The following CD53 variants were observed in gnomAD, a reference collection of about 807,000 sequenced individuals.
The protein encoded by CD53 is CD53 molecule.
A neutral mutation model predicts 27.3 loss-of-function variants in CD53; 20 were observed. The observed-to-expected ratio is 0.73, with a 90% CI of 0.52 to 1.07. The LOEUF is 1.07. CD53 is among the 50% of genes least tolerant of loss of function. The pLI is 0.00. For missense variants in CD53, 216 were observed against 264.0 expected (o/e 0.82, Z 1.26); for synonymous variants, 106 against 105.3 (o/e 1.01, Z -0.04).
chr1:110,892,567 C>A, intron 3 of CD53, 34 bp downstream of exon 3: 1 of 1,545,086 alleles, frequency 6.5e-7, no homozygotes, highest in South Asian at 1.1e-5. Context: ...TGCCCCAAGT[C>A]GGGGAGATGG....
chr1:110,881,722 C>T (rs1656359785), intron 1 of CD53, among the ~76,000 whole-genome samples: 1 of 152,192 alleles, frequency 6.6e-6, no homozygotes. Flanking sequence ...TACATTCCCA[C>T]CAACAGTGTA....
At chr1:110,889,814 G>C (rs1369948422) in intron 1 of CD53, among the ~76,000 whole-genome samples, 1 of 151,908 alleles carries the variant, frequency 6.6e-6, no homozygotes, top group Non-Finnish European at 1.5e-5. Flanking sequence ...CCAAAGCCTG[G>C]GTAGTAAATC....
intron 1 of CD53, among the ~76,000 whole-genome samples, chr1:110,881,874 AT>A (rs1176293639): frequency 6.6e-6 from 1 of 151,870 alleles, no homozygotes; most frequent in East Asian, 1.9e-4. Flanking sequence ...GAAGTAGAGA[AT>A]TTTTTTCATG....
At chr1:110,886,720 G>C (rs1302012038) in intron 1 of CD53, among the ~76,000 whole-genome samples, 7 of 151,474 alleles carry the variant, frequency 4.6e-5, no homozygotes, top group Non-Finnish European at 7.4e-5. Flanking sequence ...ATGGTGGCAC[G>C]TGCTGTGGTC....
intron 1 of CD53, chr1:110,880,364 G>A (rs144052027): frequency 2.6e-5 from 4 of 152,274 alleles, no homozygotes; most frequent in African/African-American, 9.6e-5. Flanking sequence ...AATTTAGTAT[G>A]AGTCTGGAGA....
At chr1:110,875,786 G>C (rs1381183073) in intron 1 of CD53, among the ~76,000 whole-genome samples, 2 of 152,228 alleles carry the variant, frequency 1.3e-5, no homozygotes, top group Non-Finnish European at 2.9e-5. Flanking sequence ...GATTGAGCTG[G>C]AGGTTGGGTG....
chr1:110,889,190 G>C (rs1450181659), intron 1 of CD53, among the ~76,000 whole-genome samples: 8 of 152,156 alleles, frequency 5.3e-5, no homozygotes, highest in Admixed American at 3.3e-4. Flanking sequence ...TATTTTGTCA[G>C]TGTGATACTG....
chr1:110,896,447 G>T (rs1431635460), intron 5 of CD53, among the ~76,000 whole-genome samples: 2 of 152,132 alleles, frequency 1.3e-5, no homozygotes, highest in Admixed American at 1.3e-4. Flanking sequence ...AAGCACAGGG[G>T]TCTCTACTCC....
chr1:110,894,414 GACA>G lies in CD53; in HGVS notation c.327+19_327+21del, dbSNP rs1281557462. The G allele has an allele frequency of 1.2e-6, 2 of 1,601,948 alleles. No individual in the cohort carries two copies. Among genetic ancestry groups the G allele is most frequent in the Admixed American group, 3.3e-5 (2 of 59,982 alleles). Reference sequence around the variant, plus strand: ...ATATGAACAGAAGGTAAGTTATAAAGACAACAACTTATTGTCTTAATACTGAAA... The same window carrying G: ...ATATGAACAGAAGGTAAGTTATAAAGACAACTTATTGTCTTAATACTGAAA... On this transcript the variant is annotated intron_variant, in intron 4 of 7. Coordinates refer to ENST00000271324, the MANE Select transcript of CD53 (RefSeq NM_000560.4).
chr1:110,884,450 G>C (rs1345612248), intron 1 of CD53, among the ~76,000 whole-genome samples: 1 of 152,010 alleles, frequency 6.6e-6, no homozygotes, highest in Non-Finnish European at 1.5e-5. Context: ...GCTGTTGTGG[G>C]GTGGAGTGTT....
intron 2 of CD53, among the ~76,000 whole-genome samples, chr1:110,892,086 A>T (rs1457220851): frequency 6.6e-6 from 1 of 152,232 alleles, no homozygotes; most frequent in Non-Finnish European, 1.5e-5. Context: ...TATGGTGAAG[A>T]TACTGTGTGG....
intron 1 of CD53, among the ~76,000 whole-genome samples, chr1:110,886,869 A>ATATATATATATTTTTT (rs1298376721): frequency 2.1e-4 from 17 of 82,776 alleles, no homozygotes; most frequent in East Asian, 6.7e-4. Context: ...ATATATATAT[A>ATATATATATATTTTTT]TTTTTTTTTT....
In CD53 at chr1:110,899,308, C is replaced by A; in HGVS notation, c.*113C>A. ...GGATGATCCTCCTCCCATCCTTTCC[C>A]TTTTTAGGTCCCTGTCTTATACAAC... On this transcript the variant is annotated 3_prime_UTR_variant, in exon 8 of 8. Transcript: ENST00000271324. 1 of 721,072 alleles carries A rather than the reference C, an allele frequency of 1.4e-6. No homozygotes were observed. Among genetic ancestry groups the A allele is most frequent in the South Asian group, 1.7e-5 (1 of 59,468 alleles). The allele number at this position is 721,072 out of a possible 1,614,324, so 44.7% of individuals were successfully genotyped here.
At chr1:110,885,236 G>T (rs544505800) in intron 1 of CD53, among the ~76,000 whole-genome samples, 1 of 152,062 alleles carries the variant, frequency 6.6e-6, no homozygotes, top group African/African-American at 2.4e-5. Flanking sequence ...TACTATTTTT[G>T]TTTGAACAGT....
intron 5 of CD53, among the ~76,000 whole-genome samples, chr1:110,896,022 T>G (rs1490498006): frequency 6.6e-6 from 1 of 152,222 alleles, no homozygotes; most frequent in Non-Finnish European, 1.5e-5. Flanking sequence ...CAAATCAAGA[T>G]CTTAACAAGG....
At chr1:110,893,248 C>T (rs1207905856) in intron 3 of CD53, among the ~76,000 whole-genome samples, 1 of 152,180 alleles carries the variant, frequency 6.6e-6, no homozygotes, top group Non-Finnish European at 1.5e-5. Flanking sequence ...ATTGGTTCTT[C>T]CTTAAATCAT....
chr1:110,886,867 ATAT>A (rs1489007037), intron 1 of CD53, among the ~76,000 whole-genome samples: 485 of 41,354 alleles, frequency 0.012, 6 homozygotes, highest in African/African-American at 0.041. Flanking sequence ...ATATATATAT[ATAT>A]TTTTTTTTTC....
chr1:110,876,122 G>C (rs1656122713), intron 1 of CD53, among the ~76,000 whole-genome samples: 3 of 152,312 alleles, frequency 2.0e-5, no homozygotes, highest in South Asian at 2.1e-4. Context: ...AGATTATTTA[G>C]ATTCAAATAA....
chr1:110,891,250 C>G, intron 1 of CD53, 142 bp from the exon 2 acceptor site: 1 of 640,910 alleles, frequency 1.6e-6, no homozygotes, highest in Non-Finnish European at 2.8e-6. Context: ...ACTAGGAAAG[C>G]GCAGAGTTTG....
Sources: allele counts gnomAD v4.1 joint callset (sites outside exome capture counted in the v4.1 genomes callset), GRCh38; gene constraint gnomAD v4.1.1; transcripts MANE v1.5; gene names NCBI Gene and HGNC (gene_info 2026-07-23, HGNC 2026-07-21).